The following CES1 variants were observed in gnomAD, a reference collection of about 807,000 sequenced individuals.
The protein encoded by CES1 is liver carboxylesterase 1.
In CES1, 50 loss-of-function variants were observed where a neutral mutation model predicts 53.0. The ratio of observed to expected loss-of-function variants is 0.94; its 90% CI spans 0.75 to 1.19. The LOEUF (loss-of-function observed/expected upper bound fraction) is 1.19, where lower values mean the gene tolerates loss of function less well. Ranked by LOEUF, CES1 falls within the 50% of genes most tolerant of loss-of-function variation. The pLI is 0.00. For synonymous variants in CES1, 202 were observed against 210.1 expected, an observed-to-expected ratio of 0.96 and a Z score of 0.33; for missense variants, 534 against 538.0, an observed-to-expected ratio of 0.99 and a Z score of 0.07.
In CES1 at chr16:55,830,819, A is replaced by AAGGC. The variant is rs57294788; in HGVS notation, c.53-1849_53-1846dup. Reference sequence around the variant, plus strand: ...GAAGGAAGGAAGGAAGGAAGGAAGGAAGGCAGGCAGGCAGGCAGGCAGGCA... The same window carrying AAGGC: ...GAAGGAAGGAAGGAAGGAAGGAAGGAAGGCAGGCAGGCAGGCAGGCAGGCAGGCA... On this transcript the variant is annotated intron_variant, in intron 1 of 13. Transcript: ENST00000360526. Among the ~76,000 whole-genome samples the AAGGC allele has an allele frequency of 4.3e-3, 546 of 127,180 alleles. 3 individuals are homozygous for AAGGC. The highest frequency in any genetic ancestry group is 0.012 in the South Asian group (47 of 3,868). The allele number at this position is 127,180 out of a possible 152,430, so 83.4% of individuals were successfully genotyped here. A position where few individuals can be genotyped will look rare whatever the true frequency, so the allele number is the denominator to read the frequency against.
rs756784241 is a variant in CES1 at position 55,826,247 on chromosome 16, T to G, written c.309A>C (p.Thr103=). The stretch of plus-strand genomic sequence containing the variant: ...TGAGAGGAATGTTCTCCTTTCGGTT[T>G]GTAAATAGCTCTGAGAGTAACTGCC... ...KAGQLLSELF[T]NRKENIPLKL... Residue 103 remains threonine, a synonymous_variant, in exon 3 of 14, where the codon ACA becomes ACC. Transcript: ENST00000360526. 1.1e-5 allele frequency: 17 copies of G among 1,613,978 alleles called. No homozygotes were observed. The highest frequency in any genetic ancestry group is 5.5e-5 in the South Asian group (5 of 91,074).
chr16:55,809,086 G>C (rs1313350049), intron 11 of CES1, among the ~76,000 whole-genome samples: 1 of 28,298 alleles, frequency 3.5e-5, no homozygotes, highest in Non-Finnish European at 1.1e-4. Context: ...AATCTGTGTA[G>C]TCCTGGCAAA....
At chr16:55,832,830 G>A (rs1459200226) in intron 1 of CES1, among the ~76,000 whole-genome samples, 174 bp downstream of exon 1, 1 of 152,226 alleles carries the variant, frequency 6.6e-6, no homozygotes, top group East Asian at 1.9e-4. Context: ...GCGTCTCCGC[G>A]CGGGCCAGGC....
intron 1 of CES1, among the ~76,000 whole-genome samples, chr16:55,832,078 A>C (rs2032705870): frequency 6.6e-6 from 1 of 152,136 alleles, no homozygotes; most frequent in South Asian, 2.1e-4. Flanking sequence ...GCCACTACCC[A>C]CCTGCCCTAA....
chr16:55,830,098 C>A (rs1252899676), intron 1 of CES1, among the ~76,000 whole-genome samples: 1 of 152,210 alleles, frequency 6.6e-6, no homozygotes, highest in Non-Finnish European at 1.5e-5. Flanking sequence ...GACGTCAACA[C>A]CTCCCTCAAA....
At chr16:55,809,260 C>T (rs565041250) in intron 11 of CES1, among the ~76,000 whole-genome samples, 31 of 152,290 alleles carry the variant, frequency 2.0e-4, no homozygotes, top group Middle Eastern at 3.4e-3. Context: ...GATTCAACTC[C>T]AGTGGTCTTG....
chr16:55,819,171 T>A (rs1280489899), intron 7 of CES1, among the ~76,000 whole-genome samples: 1 of 152,236 alleles, frequency 6.6e-6, no homozygotes, highest in Non-Finnish European at 1.5e-5. Flanking sequence ...CAAGATAAAT[T>A]GTGACATCTT....
intron 1 of CES1, among the ~76,000 whole-genome samples, chr16:55,832,406 CA>C (rs1244043854): frequency 6.6e-6 from 1 of 152,242 alleles, no homozygotes; most frequent in Non-Finnish European, 1.5e-5. Flanking sequence ...CGTTTTTAAA[CA>C]GCGCCTTTAT....
In CES1 at chr16:55,826,243, G is replaced by C; in HGVS notation, c.313C>G (p.Arg105Gly). 6.2e-7 allele frequency: 1 copy of C among 1,613,934 alleles called. No homozygotes were observed. The highest frequency in any genetic ancestry group is 1.7e-5 in the Admixed American group (1 of 60,022). Residue 105 changes from arginine (R) to glycine (G), a missense_variant, in exon 3 of 14, where the codon CGA becomes GGA. Arg to Gly is a moderately radical substitution (Grantham distance 125). This residue lies in a region of CES1 where 164 missense variants were observed against 162.4 expected (regional missense o/e 1.01). Transcript: ENST00000360526. ...GQLLSELFTNRKENIPLKLSE... is the reference protein window; with the variant it reads ...GQLLSELFTNGKENIPLKLSE... ...AGCTTGAGAGGAATGTTCTCCTTTC[G>C]GTTTGTAAATAGCTCTGAGAGTAAC...
In CES1 at chr16:55,811,095, A is replaced by T. The variant is rs1169006186; in HGVS notation, c.1087-85T>A. ...ACTGACCAACCAACCAAACCAATGC[A>T]GTCTGAAAGTCCTCTAATTATGGGG... On this transcript the variant is annotated intron_variant, in intron 9 of 13. Transcript: ENST00000360526. The T allele has an allele frequency of 9.1e-6, 10 of 1,099,116 alleles. No homozygotes were observed. In the East Asian group the frequency reaches 2.4e-4, roughly 27 times the overall value. The allele number at this position is 1,099,116 out of a possible 1,614,324, so 68.1% of individuals were successfully genotyped here.
rs757978769 is a variant in CES1, at chr16:55,812,941, C to T, written c.1048G>A (p.Gly350Arg). The T allele has an allele frequency of 4.1e-5, 66 of 1,614,098 alleles. No homozygotes were observed. Among genetic ancestry groups the T allele is most frequent in the East Asian group, 2.5e-4 (11 of 44,890 alleles). The change falls in exon 9 of 14, where the codon GGA becomes AGA. Residue 350 changes from glycine to arginine, a missense_variant. Physicochemically the swap from Gly to Arg is moderately radical, Grantham distance 125 (BLOSUM62 -2). Around this residue, in one of 5 missense-constraint regions of CES1, gnomAD observed 269 missense variants for 206.6 expected, o/e 1.30. Transcript: ENST00000360526. Reference protein sequence around the residue: ...RNFHTVPYMVGINKQEFGWLI... With the variant: ...RNFHTVPYMVRINKQEFGWLI... ...CAGCCAAACTCCTGCTTGTTAATTC[C>T]GACCATGTAGGGGACAGTGTGGAAA...
At chr16:55,825,276 C>G (rs1414819590) in intron 3 of CES1, among the ~76,000 whole-genome samples, 2 of 152,226 alleles carry the variant, frequency 1.3e-5, no homozygotes, top group Non-Finnish European at 2.9e-5. Flanking sequence ...TCTAGTTCCA[C>G]GTTCGCAGAC....
chr16:55,827,558 G>A (rs1446544896), intron 2 of CES1, among the ~76,000 whole-genome samples: 1 of 152,014 alleles, frequency 6.6e-6, no homozygotes, highest in Non-Finnish European at 1.5e-5. Context: ...ACTCAGAAAT[G>A]TCATTTCTGA....
At chr16:55,831,194 C>T (rs1361557097) in intron 1 of CES1, among the ~76,000 whole-genome samples, 3 of 152,136 alleles carry the variant, frequency 2.0e-5, no homozygotes, top group Admixed American at 2.0e-4. Flanking sequence ...CCACTACGGC[C>T]AAGACCAAAG....
At chr16:55,830,627 A>C (rs577092964) in intron 1 of CES1, among the ~76,000 whole-genome samples, 1 of 152,112 alleles carries the variant, frequency 6.6e-6, no homozygotes, top group African/African-American at 2.4e-5. Flanking sequence ...ACATGGTGAA[A>C]CCCCCTCTCT....
chr16:55,818,217 T>C (rs1349330947), intron 7 of CES1, among the ~76,000 whole-genome samples: 1 of 152,194 alleles, frequency 6.6e-6, no homozygotes, highest in South Asian at 2.1e-4. Context: ...GGGTGCTGTG[T>C]CATCTGGGTG....
At chr16:55,812,097 C>A (rs1174069260) in intron 9 of CES1, among the ~76,000 whole-genome samples, 1 of 152,232 alleles carries the variant, frequency 6.6e-6, no homozygotes, top group African/African-American at 2.4e-5. Context: ...GAGTCCACTC[C>A]ACGCTGGACT....
chr16:55,821,297 G>C lies in CES1; in HGVS notation c.693+71C>G. 1.9e-6 allele frequency: 3 copies of C among 1,581,028 alleles called. No homozygotes were observed. The South Asian group carries it at 3.3e-5, about 18-fold the overall frequency. On this transcript the variant is annotated intron_variant, in intron 5 of 13. Transcript: ENST00000360526. The stretch of plus-strand genomic sequence containing the variant: ...AATCAGAGGTATCCATAGCTGGATT[G>C]ACAGGTGTCCAAGAGGTCTCATCAG...
intron 9 of CES1, 86 bp downstream of exon 9, chr16:55,812,817 C>A: frequency 6.3e-7 from 1 of 1,580,452 alleles, no homozygotes; most frequent in Non-Finnish European, 8.7e-7. Context: ...CAGAGTGCAG[C>A]TCGGAGAGGG....
Sources: gnomAD v4.1 joint callset for allele counts (sites outside exome capture counted in the v4.1 genomes callset) on GRCh38, gnomAD v4.1.1 for gene constraint, gnomAD v4.1.1 regional missense constraint, MANE v1.5 for transcripts, NCBI Gene and HGNC (gene_info 2026-07-23, HGNC 2026-07-21) for gene names.